Variants in P2RY6 observed in about 807,000 individuals in gnomAD.
P2RY6 encodes P2Y purinoceptor 6.
P2RY6 carries 19 observed loss-of-function variants against 16.3 expected under a neutral mutation model. The observed-to-expected ratio is 1.16, with a 90% CI of 0.81 to 1.71. The LOEUF is 1.71. Among genes scored for constraint, P2RY6 ranks in the 40% most tolerant of loss-of-function variants. P2RY6 has a pLI of 0.00. For synonymous variants in P2RY6, 184 were observed against 201.5 expected (o/e 0.91, Z 0.74); for missense variants, 389 against 455.5 (o/e 0.85, Z 1.33).
rs1322177330 is a variant in P2RY6 at position 73,266,250 on chromosome 11, A to C, written c.-281+1601A>C. ...GGGAAGATGCAGTCTGGGAGAGGAC[A>C]ATGCAGGTCTCTGTCAAAGCCTGGG... On this transcript the variant is annotated intron_variant, in intron 1 of 3. Coordinates refer to the P2RY6 transcript ENST00000349767. Among the ~76,000 whole-genome samples the C allele has an allele frequency of 2.6e-5, 4 of 152,172 alleles. No individual in the cohort carries two copies. The East Asian group carries it at 5.8e-4, about 22-fold the overall frequency.
At chr11:73,267,428 A>G (rs118100550), upstream of P2RY6, among the ~76,000 whole-genome samples, 2,156 of 152,244 alleles carry the variant, frequency 0.014, 14 homozygotes, top group Middle Eastern at 0.044. Flanking sequence ...GAGCAGAGAA[A>G]GGTTCAGATC....
intron 1 of P2RY6, among the ~76,000 whole-genome samples, chr11:73,290,382 A>G (rs2135743726): frequency 6.6e-6 from 1 of 152,098 alleles, no homozygotes; most frequent in Middle Eastern, 3.4e-3. Flanking sequence ...AAAGAGAAAG[A>G]AAGAAGGGAA....
chr11:73,273,093 A>G (rs79627314), intron 1 of P2RY6, among the ~76,000 whole-genome samples: 43 of 107,672 alleles, frequency 4.0e-4, no homozygotes, highest in Admixed American at 1.7e-3. Context: ...AGTGGTTTGG[A>G]AAAAAAAAAA....
At chr11:73,286,069 G>A (rs1320562149) in intron 1 of P2RY6, among the ~76,000 whole-genome samples, 1 of 152,230 alleles carries the variant, frequency 6.6e-6, no homozygotes, top group Non-Finnish European at 1.5e-5. Context: ...TATGCAGGCA[G>A]GGGCCAAACA....
chr11:73,268,179 C>T (rs567190662), upstream of P2RY6, among the ~76,000 whole-genome samples: 2 of 152,312 alleles, frequency 1.3e-5, no homozygotes, highest in African/African-American at 2.4e-5. Flanking sequence ...TGCAGAATTG[C>T]ACCCACAGGC....
chr11:73,273,057 A>AGAC (rs1418547525), intron 1 of P2RY6, among the ~76,000 whole-genome samples: 4 of 151,668 alleles, frequency 2.6e-5, no homozygotes, highest in Admixed American at 2.6e-4. Flanking sequence ...CTAAATCTTA[A>AGAC]GACAGCCTGG....
At chr11:73,269,385 G>C (rs1863211556), upstream of P2RY6, among the ~76,000 whole-genome samples, 1 of 152,166 alleles carries the variant, frequency 6.6e-6, no homozygotes, top group South Asian at 2.1e-4. Context: ...CTCATCTTAT[G>C]TAACTGCTTT....
chr11:73,297,101 G>A lies in P2RY6; in HGVS notation c.583G>A (p.Ala195Thr), dbSNP rs1864530902. The A allele has an allele frequency of 1.2e-6, 2 of 1,603,638 alleles. No homozygotes were observed. The highest frequency in any genetic ancestry group is 1.7e-6 in the Non-Finnish European group (2 of 1,179,948). Residue 195 changes from alanine (A) to threonine (T), a missense_variant, in exon 3 of 3, where the codon GCT becomes ACT. By Grantham distance (58) the Ala-to-Thr change is moderately conservative (BLOSUM62 0). Transcript: ENST00000540124. Reference sequence around the variant, plus strand: ...CACCCACTATATGCCCTATGGCATGGCTCTCACTGTCATCGGCTTCCTGCT... The same window carrying A: ...CACCCACTATATGCCCTATGGCATGACTCTCACTGTCATCGGCTTCCTGCT... Reference protein sequence around the residue: ...LATHYMPYGMALTVIGFLLPF... With the variant: ...LATHYMPYGMTLTVIGFLLPF...
intron 1 of P2RY6, among the ~76,000 whole-genome samples, chr11:73,286,459 G>A (rs1248584361): frequency 6.6e-6 from 1 of 152,072 alleles, no homozygotes; most frequent in Admixed American, 6.5e-5. Flanking sequence ...TTAGTGGTCT[G>A]CCTTTCCTGA....
Position 73,296,801 on chromosome 11 carries a change from G to A in P2RY6, c.283G>A (p.Gly95Ser). Residue 95 changes from glycine (G) to serine (S), a missense_variant, in exon 3 of 3, where the codon GGC (glycine) becomes AGC (serine). Transcript: ENST00000540124. Reference protein sequence around the residue: ...NYAQGDHWPFGDFACRLVRFL... With the variant: ...NYAQGDHWPFSDFACRLVRFL... ...TGCCCAAGGTGATCACTGGCCCTTT[G>A]GCGACTTCGCCTGCCGCCTGGTCCG... The A allele has an allele frequency of 1.2e-6, 2 of 1,611,152 alleles. No individual in the cohort carries two copies. The highest frequency in any genetic ancestry group is 1.7e-6 in the Non-Finnish European group (2 of 1,180,028).
chr11:73,287,188 C>T (rs1010273429), intron 1 of P2RY6, among the ~76,000 whole-genome samples: 4 of 152,238 alleles, frequency 2.6e-5, no homozygotes, highest in African/African-American at 4.8e-5. Flanking sequence ...GCAGTATCTC[C>T]GTCGCCCAGG....
intron 1 of P2RY6, chr11:73,289,394 C>G (rs1015791447): frequency 6.6e-6 from 1 of 152,062 alleles, no homozygotes; most frequent in African/African-American, 2.4e-5. Flanking sequence ...ACCCTGTCGT[C>G]CCTGCCACGT....
chr11:73,285,696 C>A (rs1863944068), intron 1 of P2RY6, among the ~76,000 whole-genome samples: 1 of 152,190 alleles, frequency 6.6e-6, no homozygotes, highest in Admixed American at 6.5e-5. Context: ...CCCTTACAGG[C>A]CCCAGGCAGG....
chr11:73,290,358 A>G lies in P2RY6; in HGVS notation c.-120-5372A>G, dbSNP rs770029263. Among the ~76,000 whole-genome samples, 15 of 112,580 alleles carry G rather than the reference A, an allele frequency of 1.3e-4. No homozygotes were observed. The East Asian group carries it at 2.6e-3, about 19-fold the overall frequency. 73.9% of individuals were successfully genotyped at this position (112,580 alleles called of 152,430 possible). A position where few individuals can be genotyped will look rare whatever the true frequency, so the allele number is the denominator to read the frequency against. On this transcript the variant is annotated intron_variant, in intron 1 of 2. Transcript: ENST00000540124. ...AAGAAAGAAAGAAAGAAAGAAAGAA[A>G]GAAAGAAGGAAAGAAAGAGAAAGAA...
intron 1 of P2RY6, among the ~76,000 whole-genome samples, chr11:73,278,763 A>T (rs1317018545): frequency 6.6e-6 from 1 of 152,220 alleles, no homozygotes; most frequent in Non-Finnish European, 1.5e-5. Context: ...TTATCTATTC[A>T]TCCATCTACA....
At chr11:73,271,794 CT>C (rs1212403746), upstream of P2RY6, 1 of 152,150 alleles carries the variant, frequency 6.6e-6, no homozygotes, top group African/African-American at 2.4e-5. Flanking sequence ...ATGAGAGGGT[CT>C]CTCTCCTCCC....
upstream of P2RY6, among the ~76,000 whole-genome samples, chr11:73,268,890 A>C (rs1863192312): frequency 6.6e-6 from 1 of 152,234 alleles, no homozygotes; most frequent in Non-Finnish European, 1.5e-5. Flanking sequence ...CAGGGGCCTC[A>C]TTACAGGCTA....
At chr11:73,285,917 A>T (rs1258919212) in intron 1 of P2RY6, among the ~76,000 whole-genome samples, 6 of 152,232 alleles carry the variant, frequency 3.9e-5, no homozygotes, top group Admixed American at 3.9e-4. Flanking sequence ...ATATGGCCCC[A>T]GAGGCAAGCT....
chr11:73,293,448 C>T (rs561695589), intron 1 of P2RY6, among the ~76,000 whole-genome samples: 1 of 152,176 alleles, frequency 6.6e-6, no homozygotes, highest in African/African-American at 2.4e-5. Flanking sequence ...AGCCCCCCAC[C>T]ATGGGCAGAG....
Sources: gnomAD v4.1 joint callset for allele counts (sites outside exome capture counted in the v4.1 genomes callset) on GRCh38, gnomAD v4.1.1 for gene constraint, MANE v1.5 for transcripts, NCBI Gene and HGNC (gene_info 2026-07-23, HGNC 2026-07-21) for gene names.